The following FGF1 variants were observed in gnomAD, a reference collection of about 807,000 sequenced individuals.
FGF1 encodes fibroblast growth factor 1.
A neutral mutation model predicts 13.4 loss-of-function variants in FGF1; 9 were observed. The observed-to-expected ratio is 0.67, with a 90% confidence interval of 0.40 to 1.17. FGF1 has a LOEUF of 1.17. Among genes scored for constraint, FGF1 ranks in the 50% most tolerant of loss-of-function variants. The pLI is 0.01. For synonymous variants in FGF1, 93 were observed against 79.0 expected, an observed-to-expected ratio of 1.18 and a Z score of -0.94; for missense variants, 156 against 192.7, an observed-to-expected ratio of 0.81 and a Z score of 1.13.
chr5:142,618,434 G>A (rs1760699454), intron 1 of FGF1, among the ~76,000 whole-genome samples: 1 of 152,096 alleles, frequency 6.6e-6, no homozygotes, highest in South Asian at 2.1e-4. Flanking sequence ...GTTGTCTAAA[G>A]GATTAAATGG....
chr5:142,677,358 C>T (rs917197040), intron 1 of FGF1, among the ~76,000 whole-genome samples: 4 of 152,168 alleles, frequency 2.6e-5, no homozygotes, highest in Non-Finnish European at 5.9e-5. Flanking sequence ...TCCATGTCTC[C>T]CTTCTGGGTG....
chr5:142,673,864 C>T (rs906379078), intron 1 of FGF1, among the ~76,000 whole-genome samples: 1 of 152,208 alleles, frequency 6.6e-6, no homozygotes, highest in African/African-American at 2.4e-5. Context: ...AGTGACTTTC[C>T]ACTGCACTCA....
At chr5:142,628,313 A>C (rs1389311606) in intron 1 of FGF1, among the ~76,000 whole-genome samples, 3 of 152,184 alleles carry the variant, frequency 2.0e-5, no homozygotes, top group Admixed American at 6.5e-5. Flanking sequence ...GTTTGAGACC[A>C]GCCTGACCAA....
chr5:142,630,590 G>A (rs1185021678), intron 1 of FGF1, among the ~76,000 whole-genome samples: 1 of 152,092 alleles, frequency 6.6e-6, no homozygotes, highest in Non-Finnish European at 1.5e-5. Context: ...GTATGGTCTG[G>A]CCTCACCTAC....
intron 2 of FGF1, among the ~76,000 whole-genome samples, chr5:142,693,584 T>C (rs553001401): frequency 6.6e-6 from 1 of 152,334 alleles, no homozygotes; most frequent in East Asian, 1.9e-4. Flanking sequence ...TACAATTAAG[T>C]GGTTTTGGTA....
chr5:142,694,894 C>T (rs980192594), intron 2 of FGF1, among the ~76,000 whole-genome samples: 2 of 151,986 alleles, frequency 1.3e-5, no homozygotes, highest in African/African-American at 4.8e-5. Context: ...TAAGAACTTC[C>T]CAGTAGAGGT....
chr5:142,629,949 A>G (rs1763100123), intron 1 of FGF1, among the ~76,000 whole-genome samples: 1 of 147,032 alleles, frequency 6.8e-6, no homozygotes, highest in African/African-American at 2.5e-5. Flanking sequence ...GCTGGAGTGC[A>G]GTGGCATGAT....
chr5:142,649,941 C>T (rs1338566656), intron 1 of FGF1, among the ~76,000 whole-genome samples: 1 of 152,192 alleles, frequency 6.6e-6, no homozygotes, highest in Non-Finnish European at 1.5e-5. Context: ...TTACATGAGA[C>T]ATTTGATCAC....
chr5:142,659,052 G>T (rs920807040), intron 1 of FGF1, among the ~76,000 whole-genome samples: 1 of 152,130 alleles, frequency 6.6e-6, no homozygotes, highest in Non-Finnish European at 1.5e-5. Context: ...GCTGGTGTTG[G>T]CGTGTGTTGG....
intron 1 of FGF1, among the ~76,000 whole-genome samples, chr5:142,645,035 G>A (rs907448301): frequency 6.6e-6 from 1 of 152,180 alleles, no homozygotes; most frequent in Non-Finnish European, 1.5e-5. Flanking sequence ...GAGTGGGAGG[G>A]TGCATTGTGG....
chr5:142,600,853 G>T, intron 2 of FGF1, 48 bp from the exon 3 acceptor site: 1 of 1,410,674 alleles, frequency 7.1e-7, no homozygotes, highest in Non-Finnish European at 1.0e-6. Context: ...CTACGCTTTT[G>T]CCGATAGGAC....
chr5:142,647,791 A>G (rs1028671360), intron 1 of FGF1, among the ~76,000 whole-genome samples: 2 of 152,048 alleles, frequency 1.3e-5, no homozygotes, highest in East Asian at 3.9e-4. Context: ...AAAATTTTGG[A>G]TTTTGGGTTG....
chr5:142,695,719 T>G (rs1753017973), intron 2 of FGF1, among the ~76,000 whole-genome samples: 1 of 152,110 alleles, frequency 6.6e-6, no homozygotes, highest in African/African-American at 2.4e-5. Context: ...AAGCACCTAG[T>G]ATCTATTAGC....
chr5:142,637,890 G>A (rs1764547975), intron 1 of FGF1, among the ~76,000 whole-genome samples: 1 of 152,070 alleles, frequency 6.6e-6, no homozygotes, highest in Non-Finnish European at 1.5e-5. Context: ...AGGGGAAAGG[G>A]TGGACCAGCT....
In FGF1 at chr5:142,618,921, GTTGTTTTGT is replaced by G. The variant is rs1293454397; in HGVS notation, c.-34-4769_-34-4761del. Among the ~76,000 whole-genome samples, 999 of 108,302 alleles carry G rather than the reference GTTGTTTTGT, an allele frequency of 9.2e-3. 21 individuals are homozygous for G. The highest frequency in any genetic ancestry group is 0.02 in the Middle Eastern group (4 of 204). The allele number at this position is 108,302 out of a possible 152,430, so 71.1% of individuals were successfully genotyped here. A position where few individuals can be genotyped will look rare whatever the true frequency, so the allele number is the denominator to read the frequency against. On this transcript the variant is annotated intron_variant, in intron 1 of 3. Transcript: ENST00000337706. ...GGCAAACACTGACATTTATTTTTTAGTTGTTTTGTTTTTTTTTTTTTTTTTTTTTTTGAG... is the reference window on the plus strand; with the variant it reads ...GGCAAACACTGACATTTATTTTTTAGTTTTTTTTTTTTTTTTTTTTTTGAG...
At chr5:142,623,000 A>G (rs1220599899) in intron 1 of FGF1, among the ~76,000 whole-genome samples, 2 of 152,244 alleles carry the variant, frequency 1.3e-5, no homozygotes, top group Non-Finnish European at 2.9e-5. Context: ...CCAATTATTA[A>G]ATATTCAGGA....
chr5:142,605,518 G>T (rs752305586), intron 2 of FGF1, among the ~76,000 whole-genome samples: 265 of 152,208 alleles, frequency 1.7e-3, no homozygotes, highest in Non-Finnish European at 2.9e-3. Context: ...GCTGAATAGG[G>T]TTGGCTTTGC....
At chr5:142,615,502 G>A (rs1029188820) in intron 1 of FGF1, among the ~76,000 whole-genome samples, 2 of 152,342 alleles carry the variant, frequency 1.3e-5, no homozygotes, top group African/African-American at 2.4e-5. Context: ...GATTACAGGC[G>A]TAAGCCACCG....
intron 1 of FGF1, chr5:142,626,834 C>T (rs1178657572): frequency 6.6e-6 from 1 of 152,272 alleles, no homozygotes; most frequent in Non-Finnish European, 1.5e-5. Context: ...CTCCTTCAGA[C>T]TGTGTTGGAA....
Sources: gnomAD v4.1 joint callset for allele counts (sites outside exome capture counted in the v4.1 genomes callset) on GRCh38, gnomAD v4.1.1 for gene constraint, MANE v1.5 for transcripts, NCBI Gene and HGNC (gene_info 2026-07-23, HGNC 2026-07-21) for gene names.